Variants in NEMP2 observed in about 807,000 individuals in gnomAD.
The protein encoded by NEMP2 is nuclear envelope integral membrane protein 2, also known as UPF0571 transmembrane protein.
A neutral mutation model predicts 54.2 loss-of-function variants in NEMP2; 53 were observed. That is an observed-to-expected ratio of 0.98 (90% CI 0.78 to 1.23). The LOEUF is 1.23. Ranked by LOEUF, NEMP2 falls within the 50% of genes most tolerant of loss-of-function variation. NEMP2 has a pLI of 0.00. For missense variants in NEMP2, 455 were observed against 511.3 expected (o/e 0.89, Z 1.06); for synonymous variants, 197 against 190.3 (o/e 1.04, Z -0.29).
downstream of NEMP2, among the ~76,000 whole-genome samples, chr2:190,499,340 G>A (rs575046191): frequency 8.1e-4 from 124 of 152,174 alleles, 2 homozygotes; most frequent in Middle Eastern, 3.4e-3. The surrounding 1 kb of genome is among the most constrained non-coding windows in gnomAD (Gnocchi z 6.0). Flanking sequence ...ACTAATTTGG[G>A]GGAGAATCCA....
chr2:190,559,485 A>G, the NEMP2 span, among the ~76,000 whole-genome samples: 1 of 152,110 alleles, frequency 6.6e-6, no homozygotes, highest in Non-Finnish European at 1.5e-5. The surrounding 1 kb of genome is among the most constrained non-coding windows in gnomAD (Gnocchi z 4.0). Flanking sequence ...CCAAGGAGAG[A>G]ACAGAGAGAA....
chr2:190,421,658 T>G, the NEMP2 span, among the ~76,000 whole-genome samples: 1 of 152,038 alleles, frequency 6.6e-6, no homozygotes, highest in African/African-American at 2.4e-5. Flanking sequence ...CATAGCTCAC[T>G]GTCCTGGGCA....
At chr2:190,500,206 G>A (rs1489748280), downstream of NEMP2, 13 of 1,614,000 alleles carry the variant, frequency 8.1e-6, no homozygotes, top group Non-Finnish European at 1.1e-5. The surrounding 1 kb of genome is among the most constrained non-coding windows in gnomAD (Gnocchi z 5.3). Context: ...AGCTGGCCGC[G>A]GGAGGACACT....
At chr2:190,432,830 A>G in the NEMP2 span, among the ~76,000 whole-genome samples, 2 of 129,190 alleles carry the variant, frequency 1.5e-5, no homozygotes, top group African/African-American at 5.8e-5. Context: ...CCGCCCCCCA[A>G]CACACACACA....
At chr2:190,499,907 C>A (rs1408888146), downstream of NEMP2, 10 of 1,574,206 alleles carry the variant, frequency 6.4e-6, no homozygotes, top group Non-Finnish European at 8.6e-6. This position sits in a 1 kb window ranked among gnomAD's most constrained non-coding sequence, Gnocchi z 6.0. Flanking sequence ...GAAATGGGCA[C>A]TTCCGGATGA....
the NEMP2 span, among the ~76,000 whole-genome samples, chr2:190,482,868 CTTTTTTTTTTTTTTTTTTT>C: frequency 2.0e-3 from 97 of 48,294 alleles, no homozygotes; most frequent in Non-Finnish European, 3.1e-3. Flanking sequence ...AGACTATCAT[CTTTTTTTTTTTTTTTTTTT>C]TTTTTTTTTT....
At chr2:190,457,896 G>T in the NEMP2 span, among the ~76,000 whole-genome samples, 1 of 152,180 alleles carries the variant, frequency 6.6e-6, no homozygotes, top group South Asian at 2.1e-4. The surrounding 1 kb of genome is among the most constrained non-coding windows in gnomAD (Gnocchi z 5.1). Context: ...AGCACTGTTT[G>T]TAAAAGGTTT....
downstream of NEMP2, among the ~76,000 whole-genome samples, chr2:190,502,488 T>C (rs921006467): frequency 3.3e-5 from 5 of 152,204 alleles, no homozygotes; most frequent in Non-Finnish European, 7.4e-5. This position sits in a 1 kb window ranked among gnomAD's most constrained non-coding sequence, Gnocchi z 4.4. Flanking sequence ...AGTGGTTAAC[T>C]GCTAATTATT....
chr2:190,488,643 T>A, the NEMP2 span: 1 of 1,488,362 alleles, frequency 6.7e-7, no homozygotes, highest in South Asian at 1.4e-5. The surrounding 1 kb of genome is among the most constrained non-coding windows in gnomAD (Gnocchi z 6.4). Flanking sequence ...CCTCCTGCTC[T>A]TCTTCCTCTC....
At chr2:190,606,705 G>A in the NEMP2 span, among the ~76,000 whole-genome samples, 9 of 152,074 alleles carry the variant, frequency 5.9e-5, no homozygotes, top group Non-Finnish European at 8.8e-5. Flanking sequence ...GTGAGACGCT[G>A]ACTCAAAAAA....
chr2:190,535,493 C>T, upstream of NEMP2, among the ~76,000 whole-genome samples: 1 of 152,054 alleles, frequency 6.6e-6, no homozygotes, highest in Non-Finnish European at 1.5e-5. Context: ...AAGAACATTC[C>T]CTCCACAGGA....
At chr2:190,567,700 G>T in the NEMP2 span, among the ~76,000 whole-genome samples, 1 of 152,158 alleles carries the variant, frequency 6.6e-6, no homozygotes, top group Non-Finnish European at 1.5e-5. The surrounding 1 kb of genome is among the most constrained non-coding windows in gnomAD (Gnocchi z 4.0). Flanking sequence ...CCAGGCTACA[G>T]TGCAGTGGCA....
chr2:190,488,554 C>G, the NEMP2 span: 1 of 1,109,130 alleles, frequency 9.0e-7, no homozygotes, highest in Non-Finnish European at 1.2e-6. The surrounding 1 kb of genome is among the most constrained non-coding windows in gnomAD (Gnocchi z 6.4). Flanking sequence ...TTTCCCACAA[C>G]AAATCTTAAA....
the NEMP2 span, among the ~76,000 whole-genome samples, chr2:190,479,395 CAG>C: frequency 9.9e-4 from 150 of 152,250 alleles, 2 homozygotes; most frequent in African/African-American, 3.4e-3. Flanking sequence ...AAAAAAGAGA[CAG>C]GGAGTCTACG....
At chr2:190,485,712 T>A in the NEMP2 span, among the ~76,000 whole-genome samples, 1 of 152,110 alleles carries the variant, frequency 6.6e-6, no homozygotes, top group Non-Finnish European at 1.5e-5. This position sits in a 1 kb window ranked among gnomAD's most constrained non-coding sequence, Gnocchi z 5.1. Flanking sequence ...GGTATTGCAA[T>A]TGTTTTGCCA....
At chr2:190,556,867 G>C in the NEMP2 span, among the ~76,000 whole-genome samples, 1 of 152,086 alleles carries the variant, frequency 6.6e-6, no homozygotes, top group Admixed American at 6.6e-5. Context: ...TCATGGATAG[G>C]AAAAATCAAT....
At chr2:190,551,926 C>T in the NEMP2 span, among the ~76,000 whole-genome samples, 57 of 152,314 alleles carry the variant, frequency 3.7e-4, no homozygotes, top group Non-Finnish European at 6.3e-4. Context: ...GTTCTGCTAT[C>T]CATGTCTCTG....
At chr2:190,451,445 C>T in the NEMP2 span, among the ~76,000 whole-genome samples, 1 of 152,174 alleles carries the variant, frequency 6.6e-6, no homozygotes, top group South Asian at 2.1e-4. This position sits in a 1 kb window ranked among gnomAD's most constrained non-coding sequence, Gnocchi z 5.0. Context: ...GTGCTATAAT[C>T]TAGGGATATA....
the NEMP2 span, among the ~76,000 whole-genome samples, chr2:190,486,133 C>G: frequency 6.6e-6 from 1 of 152,248 alleles, no homozygotes; most frequent in African/African-American, 2.4e-5. Context: ...GAGACCAGAG[C>G]AGTGTTTAGC....
Sources: gnomAD v4.1 joint callset for allele counts (sites outside exome capture counted in the v4.1 genomes callset) on GRCh38, gnomAD v4.1.1 for gene constraint, Gnocchi (gnomAD v3.1) non-coding constraint, MANE v1.5 for transcripts, NCBI Gene and HGNC (gene_info 2026-07-23, HGNC 2026-07-21) for gene names.